UBR2: variants seen among roughly 807,000 people sequenced by gnomAD.
UBR2 encodes ubiquitin protein ligase E3 component n-recognin 2, also known as E3 ubiquitin-protein ligase UBR2.
A neutral mutation model predicts 247.9 loss-of-function variants in UBR2; 92 were observed. That is an observed-to-expected ratio of 0.37 (90% CI 0.31 to 0.44). The LOEUF (loss-of-function observed/expected upper bound fraction) is 0.44. Among genes scored for constraint, UBR2 ranks in the 20% least tolerant of loss-of-function variants. UBR2 has a pLI of 1.00. For missense variants in UBR2, 1,613 were observed against 2,112.6 expected, an observed-to-expected ratio of 0.76 and a Z score of 4.64; for synonymous variants, 672 against 693.5, an observed-to-expected ratio of 0.97 and a Z score of 0.49.
intron 26 of UBR2, among the ~76,000 whole-genome samples, chr6:42,657,725 A>C (rs1797521506): frequency 1.3e-5 from 2 of 152,236 alleles, no homozygotes; most frequent in South Asian, 4.1e-4. Context: ...GTAAAATCTG[A>C]GACACCACTT....
chr6:42,658,634 G>A lies in UBR2; in HGVS notation c.3064-12G>A, dbSNP rs766224845. 1.9e-6 allele frequency: 3 copies of A among 1,589,560 alleles called. No individual in the cohort carries two copies. The Admixed American group carries it at 5.7e-5, about 30-fold the overall frequency. On this transcript the variant is annotated splice_polypyrimidine_tract_variant and intron_variant, in intron 28 of 46. Coordinates refer to ENST00000372901, the MANE Select transcript of UBR2 (RefSeq NM_001363705.2). ...GCATCTAATTGTCTAATTGAATGGA[G>A]CATAATTTCAGAGTTCAAGGGACAA...
chr6:42,676,809 C>A lies in UBR2; in HGVS notation c.4414C>A (p.Pro1472Thr), dbSNP rs745396596. Reference sequence around the variant, plus strand: ...AGAGAATGGCATGGATCAAGAAAATCCCCCTTGTGAAGAAGAATCAGCAGT... The same window carrying A: ...AGAGAATGGCATGGATCAAGAAAATACCCCTTGTGAAGAAGAATCAGCAGT... ...TEENGMDQEN[P>T]PCEEESAVLA... Residue 1472 changes from proline to threonine, a missense_variant, in exon 40 of 47, where the codon CCC becomes ACC. Physicochemically the swap from Pro to Thr is conservative, Grantham distance 38 (BLOSUM62 -1). Coordinates refer to ENST00000372901, the MANE Select transcript of UBR2 (RefSeq NM_001363705.2). 6.2e-7 allele frequency: 1 copy of A among 1,613,862 alleles called. No individual in the cohort carries two copies.
intron 36 of UBR2, among the ~76,000 whole-genome samples, chr6:42,673,234 AG>A (rs1233308228): frequency 6.6e-6 from 1 of 152,198 alleles, no homozygotes; most frequent in African/African-American, 2.4e-5. Flanking sequence ...CACATTTTAG[AG>A]GATCTCTTTA....
In UBR2 at chr6:42,617,622, A is replaced by G. The variant is rs1313228192; in HGVS notation, c.1281+115A>G. On this transcript the variant is annotated intron_variant, in intron 11 of 46. Transcript: ENST00000372901. ...AAGAATAGTATTTTATTAATGGGTA[A>G]TCAGACTTCAAACACCTTCACTATT... is the stretch of plus-strand genomic sequence containing the variant. The G allele has an allele frequency of 4.3e-6, 4 of 924,672 alleles. No homozygotes were observed. In the African/African-American group the frequency reaches 6.7e-5, roughly 15 times the overall value. The allele number at this position is 924,672 out of a possible 1,614,324, so 57.3% of individuals were successfully genotyped here.
At chr6:42,657,802 T>A (rs527896263) in intron 26 of UBR2, among the ~76,000 whole-genome samples, 1 of 152,356 alleles carries the variant, frequency 6.6e-6, no homozygotes, top group South Asian at 2.1e-4. Context: ...CTATAAAAAG[T>A]CACTTTTGAA....
intron 11 of UBR2, among the ~76,000 whole-genome samples, chr6:42,625,534 C>A (rs1215732543): frequency 1.3e-5 from 2 of 152,136 alleles, no homozygotes; most frequent in Admixed American, 1.3e-4. Context: ...ACTGCAATCT[C>A]TACCTCCCAG....
chr6:42,684,237 A>C (rs1321826754), intron 43 of UBR2, among the ~76,000 whole-genome samples: 2 of 152,190 alleles, frequency 1.3e-5, no homozygotes, highest in East Asian at 3.9e-4. Context: ...AAGCCCTAGC[A>C]TGTCTGTCCC....
chr6:42,646,582 T>A (rs867339043), intron 21 of UBR2, among the ~76,000 whole-genome samples: 10 of 152,196 alleles, frequency 6.6e-5, no homozygotes, highest in Middle Eastern at 6.8e-3. Flanking sequence ...CATCTGTGAA[T>A]GTTACTACTC....
intron 11 of UBR2, among the ~76,000 whole-genome samples, chr6:42,618,852 G>T (rs1794722255): frequency 6.6e-6 from 1 of 152,232 alleles, no homozygotes; most frequent in African/African-American, 2.4e-5. Flanking sequence ...TGTTGGACTT[G>T]CTGACGAACT....
intron 16 of UBR2, among the ~76,000 whole-genome samples, chr6:42,641,031 T>C (rs547485477): frequency 6.6e-6 from 1 of 152,260 alleles, no homozygotes; most frequent in East Asian, 1.9e-4. Context: ...GCTCAGCCAG[T>C]CTATGATTTA....
chr6:42,683,031 T>TC, intron 42 of UBR2, 24 bp from the exon 43 acceptor site: 1 of 1,607,424 alleles, frequency 6.2e-7, no homozygotes, highest in East Asian at 2.2e-5. Context: ...GTTTTGTGTT[T>TC]TTCCCCCTCT....
chr6:42,585,671 T>C (rs1290572895), intron 2 of UBR2, among the ~76,000 whole-genome samples: 1 of 152,180 alleles, frequency 6.6e-6, no homozygotes, highest in African/African-American at 2.4e-5. Flanking sequence ...GCACTATATA[T>C]TTTTCAAGGA....
At position 42,658,310 on chromosome 6, in the gene UBR2, T is replaced by C. The variant is rs747705416; in HGVS notation, c.3053T>C (p.Ile1018Thr). The C allele has an allele frequency of 1.9e-6, 3 of 1,613,562 alleles. No individual in the cohort carries two copies. The highest frequency in any genetic ancestry group is 1.3e-5 in the African/African-American group (1 of 74,960). ...CCCGTGGCAGAGACAGAAGGAACCA[T>C]AATGGAAGAGGTATAAACAGTAAAA... ...TSPVAETEGT[I>T]MEESSRDKDK... Residue 1018 changes from isoleucine to threonine, a missense_variant, in exon 28 of 47, where the codon ATA becomes ACA. Around this residue, in one of 3 missense-constraint regions of UBR2, gnomAD observed 1,524 missense variants for 1,967.3 expected, o/e 0.77. Transcript: ENST00000372901.
chr6:42,684,587 AAAAAACAAAAAAC>A (rs1303902927), intron 43 of UBR2, among the ~76,000 whole-genome samples, 194 bp from the exon 44 acceptor site: 5 of 151,908 alleles, frequency 3.3e-5, no homozygotes, highest in Admixed American at 3.3e-4. Context: ...CGTCTCAAAA[AAAAAACAAAAAAC>A]AAAAACAAAA....
At chr6:42,632,949 C>CTTTTTTTTTTTTTT (rs1562334993) in intron 13 of UBR2, 45 bp downstream of exon 13, 8 of 907,764 alleles carry the variant, frequency 8.8e-6, no homozygotes, top group South Asian at 6.1e-5. Context: ...TTTTTTTTTT[C>CTTTTTTTTTTTTTT]TCTTTTCTCT....
chr6:42,617,083 T>A (rs1794604894), intron 10 of UBR2, among the ~76,000 whole-genome samples: 1 of 152,198 alleles, frequency 6.6e-6, no homozygotes, highest in Admixed American at 6.6e-5. Context: ...CCATAGTGAA[T>A]CAATATCTAT....
chr6:42,663,473 A>G (rs1165039948), intron 32 of UBR2, 54 bp downstream of exon 32: 3 of 1,497,408 alleles, frequency 2.0e-6, no homozygotes, highest in African/African-American at 2.9e-5. Context: ...TTTGAAGATA[A>G]TGAAATAATA....
intron 30 of UBR2, among the ~76,000 whole-genome samples, chr6:42,661,442 T>C (rs1344913179): frequency 2.7e-4 from 41 of 152,348 alleles, no homozygotes; most frequent in Non-Finnish European, 1.5e-5. Context: ...ACTGTTCTAG[T>C]GTTAAAGCAA....
At chr6:42,598,974 G>C (rs1043928373) in intron 4 of UBR2, among the ~76,000 whole-genome samples, 1 of 151,954 alleles carries the variant, frequency 6.6e-6, no homozygotes, top group Admixed American at 6.6e-5. Context: ...TTAGAGACAT[G>C]GTTTTTATTA....
Sources: gnomAD v4.1 joint callset for allele counts (sites outside exome capture counted in the v4.1 genomes callset) on GRCh38, gnomAD v4.1.1 for gene constraint, gnomAD v4.1.1 regional missense constraint, MANE v1.5 for transcripts, NCBI Gene and HGNC (gene_info 2026-07-23, HGNC 2026-07-21) for gene names.